ACOXL: variants seen among roughly 807,000 people sequenced by gnomAD.
The protein encoded by ACOXL is acyl-coenzyme A oxidase-like protein.
Under a neutral mutation model 71.9 loss-of-function variants are expected in ACOXL, and 70 were observed. The ratio of observed to expected loss-of-function variants is 0.97; its 90% CI spans 0.80 to 1.19. The LOEUF is 1.19. Among genes scored for constraint, ACOXL ranks in the 50% most tolerant of loss-of-function variants. ACOXL has a pLI of 0.00. For synonymous variants in ACOXL, 253 were observed against 281.6 expected, an observed-to-expected ratio of 0.90 and a Z score of 1.02; for missense variants, 703 against 736.3, an observed-to-expected ratio of 0.95 and a Z score of 0.52.
chr2:110,996,098 T>G, intron 14 of ACOXL, 94 bp downstream of exon 14: 2 of 1,042,240 alleles, frequency 1.9e-6, no homozygotes, highest in Non-Finnish European at 3.0e-6. Flanking sequence ...AGAGGATGAG[T>G]CAGCCTAATG....
At chr2:111,038,331 C>T (rs953687706) in intron 15 of ACOXL, among the ~76,000 whole-genome samples, 10 of 152,190 alleles carry the variant, frequency 6.6e-5, no homozygotes, top group African/African-American at 1.4e-4. Flanking sequence ...TCTGGGAGCT[C>T]AGCATTTCTA....
intron 11 of ACOXL, among the ~76,000 whole-genome samples, chr2:110,916,836 C>T (rs1008162528): frequency 6.6e-6 from 1 of 152,168 alleles, no homozygotes; most frequent in African/African-American, 2.4e-5. Flanking sequence ...TGGACACATA[C>T]ACCCTCCCAA....
At chr2:111,020,588 C>T (rs1484166887) in intron 14 of ACOXL, among the ~76,000 whole-genome samples, 1 of 152,168 alleles carries the variant, frequency 6.6e-6, no homozygotes, top group African/African-American at 2.4e-5. Flanking sequence ...TGCACATGTG[C>T]ATGTGCATAT....
At chr2:110,882,958 A>T (rs1212805694) in intron 10 of ACOXL, among the ~76,000 whole-genome samples, 1 of 152,186 alleles carries the variant, frequency 6.6e-6, no homozygotes, top group Non-Finnish European at 1.5e-5. Context: ...TTCATTTACC[A>T]GTTTCTGGCT....
At chr2:111,088,507 T>C (rs1254553942) in intron 16 of ACOXL, among the ~76,000 whole-genome samples, 1 of 152,190 alleles carries the variant, frequency 6.6e-6, no homozygotes, top group Non-Finnish European at 1.5e-5. Context: ...TGGAGCCCAT[T>C]ATCCTTAACA....
rs191008982 is a variant in ACOXL, at chr2:110,805,808, C to T, written c.753+413C>T. On this transcript the variant is annotated intron_variant, in intron 9 of 17. Transcript: ENST00000439055. ...CCTCATGTGTCTGTATAGGGTGTAA[C>T]GTTCTCCATCACAGTCTGGAGGCCA... Among the ~76,000 whole-genome samples the T allele has an allele frequency of 3.3e-4, 50 of 152,244 alleles. 1 individual carries two copies. The highest frequency in any genetic ancestry group is 7.8e-4 in the Admixed American group (12 of 15,292).
intron 9 of ACOXL, among the ~76,000 whole-genome samples, chr2:110,833,244 C>A (rs763524717): frequency 6.6e-6 from 1 of 152,130 alleles, no homozygotes; most frequent in Non-Finnish European, 1.5e-5. Context: ...CTCAGCAATA[C>A]GAAGGAATAA....
chr2:110,914,905 G>A (rs1455552877), intron 11 of ACOXL, among the ~76,000 whole-genome samples: 3 of 152,134 alleles, frequency 2.0e-5, no homozygotes, highest in South Asian at 2.1e-4. Context: ...TAAGGGGTAC[G>A]TGAGATGTTT....
chr2:111,078,348 T>G (rs2149961542), intron 16 of ACOXL, among the ~76,000 whole-genome samples: 1 of 152,288 alleles, frequency 6.6e-6, no homozygotes, highest in South Asian at 2.1e-4. Context: ...CACTGCAACC[T>G]CTGCCTCCCA....
intron 1 of ACOXL, among the ~76,000 whole-genome samples, chr2:110,755,114 A>G (rs1393363376): frequency 1.3e-5 from 2 of 152,160 alleles, no homozygotes; most frequent in Non-Finnish European, 2.9e-5. Context: ...AATCCTGCAC[A>G]GAACACCAAT....
At chr2:111,024,540 C>T (rs1353967523) in intron 14 of ACOXL, among the ~76,000 whole-genome samples, 1 of 152,170 alleles carries the variant, frequency 6.6e-6, no homozygotes, top group Non-Finnish European at 1.5e-5. Flanking sequence ...TTTCAGACTT[C>T]TAGCCTCCAG....
chr2:110,822,742 G>A (rs1007099752), intron 9 of ACOXL, among the ~76,000 whole-genome samples: 6 of 151,974 alleles, frequency 3.9e-5, no homozygotes, highest in East Asian at 1.9e-4. Context: ...GTGTAGTTTC[G>A]TGTATCTCCC....
intron 11 of ACOXL, among the ~76,000 whole-genome samples, chr2:110,912,544 T>A (rs1258649351): frequency 6.6e-6 from 1 of 152,134 alleles, no homozygotes; most frequent in African/African-American, 2.4e-5. Flanking sequence ...TAAATGGTGC[T>A]AGGACAACTG....
chr2:110,841,889 G>A (rs927618760), intron 10 of ACOXL, among the ~76,000 whole-genome samples: 2 of 152,128 alleles, frequency 1.3e-5, no homozygotes, highest in Non-Finnish European at 2.9e-5. Context: ...GGTCTCTACT[G>A]TATTACACTT....
At chr2:110,800,543 T>C (rs184286292) in intron 7 of ACOXL, among the ~76,000 whole-genome samples, 1 of 152,172 alleles carries the variant, frequency 6.6e-6, no homozygotes, top group East Asian at 1.9e-4. Flanking sequence ...GGACACAATT[T>C]AACCCATAAG....
intron 10 of ACOXL, among the ~76,000 whole-genome samples, chr2:110,847,622 C>G (rs906420557): frequency 2.0e-5 from 3 of 152,214 alleles, no homozygotes; most frequent in Non-Finnish European, 4.4e-5. Context: ...TTTCCCACAA[C>G]TGACTTCTTT....
At chr2:111,097,126 A>G (rs1435925739) in intron 17 of ACOXL, among the ~76,000 whole-genome samples, 1 of 152,110 alleles carries the variant, frequency 6.6e-6, no homozygotes, top group African/African-American at 2.4e-5. Context: ...CTGGGTTCCC[A>G]TTTTCCTATA....
chr2:111,099,493 A>G (rs1039828161), intron 17 of ACOXL: 36 of 152,214 alleles, frequency 2.4e-4, no homozygotes, highest in African/African-American at 7.7e-4. Context: ...ACTCCACTCC[A>G]CTGCTGTCCT....
chr2:111,077,455 TAA>T (rs900789311), intron 16 of ACOXL, among the ~76,000 whole-genome samples: 5 of 152,202 alleles, frequency 3.3e-5, no homozygotes, highest in African/African-American at 9.6e-5. Context: ...AAACATGTTT[TAA>T]AAGAATTATG....
Sources: gnomAD v4.1 joint callset for allele counts (sites outside exome capture counted in the v4.1 genomes callset) on GRCh38, gnomAD v4.1.1 for gene constraint, MANE v1.5 for transcripts, NCBI Gene and HGNC (gene_info 2026-07-23, HGNC 2026-07-21) for gene names.